The following MCTP1 variants were observed in gnomAD, a reference collection of about 807,000 sequenced individuals.
MCTP1 encodes the protein multiple C2 and transmembrane domain-containing protein 1.
MCTP1 carries 69 observed loss-of-function variants against 120.6 expected under a neutral mutation model. The observed-to-expected ratio is 0.57, with a 90% CI of 0.47 to 0.70. The LOEUF (loss-of-function observed/expected upper bound fraction) is 0.70. Ranked by LOEUF, MCTP1 falls within the 30% of genes least tolerant of loss-of-function variation. MCTP1 has a pLI of 0.00. For missense variants in MCTP1, 1,203 were observed against 1,248.8 expected, an observed-to-expected ratio of 0.96 and a Z score of 0.55; for synonymous variants, 529 against 493.1, an observed-to-expected ratio of 1.07 and a Z score of -0.96.
At chr5:95,135,084 T>C (rs547613645) in intron 1 of MCTP1, among the ~76,000 whole-genome samples, 21 of 145,746 alleles carry the variant, frequency 1.4e-4, no homozygotes, top group Admixed American at 7.7e-4. Context: ...TACTGAGGTA[T>C]GTGAAAATCA....
At chr5:94,760,109 G>A (rs1310247632) in intron 19 of MCTP1, among the ~76,000 whole-genome samples, 8 of 151,808 alleles carry the variant, frequency 5.3e-5, no homozygotes, top group Admixed American at 5.3e-4. Context: ...GGTATCTAGA[G>A]ATAAGCCAAC....
At chr5:94,848,968 CT>C (rs1327364183) in intron 17 of MCTP1, among the ~76,000 whole-genome samples, 2 of 151,754 alleles carry the variant, frequency 1.3e-5, no homozygotes, top group Non-Finnish European at 2.9e-5. Context: ...AGGTTAGTTC[CT>C]TTCCCTCTTA....
intron 1 of MCTP1, among the ~76,000 whole-genome samples, chr5:95,267,850 A>C (rs1370201461): frequency 1.3e-5 from 2 of 152,028 alleles, no homozygotes; most frequent in African/African-American, 4.8e-5. Flanking sequence ...ACACACACAC[A>C]CCTTCCCTCT....
At chr5:94,921,554 T>C in intron 7 of MCTP1, among the ~76,000 whole-genome samples, 1 of 152,246 alleles carries the variant, frequency 6.6e-6, no homozygotes, top group East Asian at 1.9e-4. Context: ...ACATTTTGCA[T>C]ATCTGAAAAT....
chr5:94,982,884 CAAAAAAAA>C (rs34561115), intron 2 of MCTP1, among the ~76,000 whole-genome samples: 3,629 of 28,514 alleles, frequency 0.13, 187 homozygotes, highest in African/African-American at 0.27. Flanking sequence ...CACACTTCAT[CAAAAAAAA>C]AAAAAAAAAA....
In MCTP1 at chr5:94,707,446, T is replaced by C. The variant is rs1754926707; in HGVS notation, c.*50A>G. Reference sequence around the variant, plus strand: ...AAATGCTGCTGAGGCTGAGGGCTTTTTCTTTTATCTTCCCAAACAGATGCT... The same window carrying C: ...AAATGCTGCTGAGGCTGAGGGCTTTCTCTTTTATCTTCCCAAACAGATGCT... On this transcript the variant is annotated 3_prime_UTR_variant, in exon 23 of 23. Coordinates refer to ENST00000515393, the MANE Select transcript of MCTP1 (RefSeq NM_024717.7). 7.0e-7 allele frequency: 1 copy of C among 1,436,822 alleles called. No homozygotes were observed. Among genetic ancestry groups the C allele is most frequent in the Admixed American group, 1.9e-5 (1 of 51,510 alleles). 89.0% of individuals were successfully genotyped at this position (1,436,822 alleles called of 1,614,324 possible).
rs572317554 is a variant in MCTP1, at chr5:94,921,852, C to T, written c.1272+2110G>A. Among the ~76,000 whole-genome samples, 4 of 152,228 alleles carry T rather than the reference C, an allele frequency of 2.6e-5. No homozygotes were observed. The East Asian group carries it at 7.7e-4, about 29-fold the overall frequency. On this transcript the variant is annotated intron_variant, in intron 7 of 22. Transcript: ENST00000515393. ...ATGCAAGAAGAATTTGAAAGGGTGT[C>T]AATTAAAAATAACAGGCTAAGGAAC...
chr5:94,769,734 T>G (rs1773641251), intron 19 of MCTP1, among the ~76,000 whole-genome samples: 3 of 152,156 alleles, frequency 2.0e-5, no homozygotes, highest in South Asian at 4.1e-4. Flanking sequence ...ACTCTGGGAC[T>G]TTACTTGATT....
chr5:94,811,543 A>ATT (rs1652787763), intron 17 of MCTP1, among the ~76,000 whole-genome samples: 1 of 152,168 alleles, frequency 6.6e-6, no homozygotes, highest in Admixed American at 6.5e-5. Flanking sequence ...TAATTCTGAA[A>ATT]TGTTTTCTTC....
chr5:95,172,184 T>G (rs895992385), intron 1 of MCTP1, among the ~76,000 whole-genome samples: 11 of 152,184 alleles, frequency 7.2e-5, no homozygotes, highest in Admixed American at 2.6e-4. Flanking sequence ...CTCCAGACCG[T>G]TTGCCTACGT....
rs182605201 is a variant in MCTP1, at chr5:95,120,875, G to A, written c.721-103391C>T. 2.8e-4 allele frequency among the ~76,000 whole-genome samples: 43 copies of A among 152,292 alleles called. 1 individual carries two copies. The East Asian group carries it at 8.1e-3, about 29-fold the overall frequency. The stretch of plus-strand genomic sequence containing the variant: ...GAAAGAAACAAGGGCATCCAAATTG[G>A]AAAGGAAGAAGTCAAATTATCCCTG... On this transcript the variant is annotated intron_variant, in intron 1 of 22. Coordinates refer to ENST00000515393, the MANE Select transcript of MCTP1 (RefSeq NM_024717.7).
At chr5:95,223,401 C>T (rs1050128477) in intron 1 of MCTP1, among the ~76,000 whole-genome samples, 5 of 151,966 alleles carry the variant, frequency 3.3e-5, no homozygotes, top group Non-Finnish European at 5.9e-5. Flanking sequence ...CAGTGAGCCA[C>T]GATCTCACCA....
chr5:94,953,977 C>CAT (rs1195879138), intron 2 of MCTP1, among the ~76,000 whole-genome samples: 1 of 63,462 alleles, frequency 1.6e-5, no homozygotes, highest in Non-Finnish European at 2.9e-5. Flanking sequence ...TATATATATG[C>CAT]ATATATATAC....
chr5:94,999,384 T>C (rs1727492393), intron 2 of MCTP1, among the ~76,000 whole-genome samples: 1 of 152,202 alleles, frequency 6.6e-6, no homozygotes, highest in South Asian at 2.1e-4. Context: ...TGTTAATAGA[T>C]GCTAAATTAA....
intron 1 of MCTP1, among the ~76,000 whole-genome samples, chr5:95,126,003 G>A (rs139689100): frequency 1.4e-3 from 209 of 152,196 alleles, no homozygotes; most frequent in African/African-American, 4.7e-3. Context: ...ACTTTCTTTC[G>A]TGCCTCTTTG....
chr5:94,782,351 A>G (rs1326941462), intron 18 of MCTP1, among the ~76,000 whole-genome samples: 1 of 152,126 alleles, frequency 6.6e-6, no homozygotes, highest in African/African-American at 2.4e-5. Context: ...GGGTACAGGT[A>G]GAAGTGTGGA....
intron 1 of MCTP1, among the ~76,000 whole-genome samples, chr5:95,249,397 A>G (rs1279095826): frequency 6.6e-6 from 1 of 152,254 alleles, no homozygotes; most frequent in East Asian, 1.9e-4. Flanking sequence ...GCCAAAAAAC[A>G]TATGAAAAAA....
At chr5:94,750,919 G>C (rs1332172125) in intron 19 of MCTP1, among the ~76,000 whole-genome samples, 1 of 152,152 alleles carries the variant, frequency 6.6e-6, no homozygotes, top group Non-Finnish European at 1.5e-5. Context: ...CTTTCCAAAA[G>C]GACTGGGAGT....
At chr5:95,244,238 C>T (rs575744436) in intron 1 of MCTP1, among the ~76,000 whole-genome samples, 24 of 152,286 alleles carry the variant, frequency 1.6e-4, no homozygotes, top group African/African-American at 5.5e-4. Flanking sequence ...ATCTGTATAT[C>T]GGTCTATAGC....
Sources: gnomAD v4.1 joint callset for allele counts (sites outside exome capture counted in the v4.1 genomes callset) on GRCh38, gnomAD v4.1.1 for gene constraint, MANE v1.5 for transcripts, NCBI Gene and HGNC (gene_info 2026-07-23, HGNC 2026-07-21) for gene names.